DRAXIN: variants seen among roughly 807,000 people sequenced by gnomAD.
DRAXIN encodes dorsal inhibitory axon guidance protein, also known as dorsal repulsive axon guidance protein.
Under a neutral mutation model 33.9 loss-of-function variants are expected in DRAXIN, and 27 were observed. That is an observed-to-expected ratio of 0.80 (90% CI 0.59 to 1.10). DRAXIN has a LOEUF of 1.10. Among genes scored for constraint, DRAXIN ranks in the 50% least tolerant of loss-of-function variants. The probability of loss-of-function intolerance (pLI) is 0.00; values close to 1 mark genes in which losing one functional copy is unlikely to be tolerated. For missense variants in DRAXIN, 371 were observed against 460.8 expected, an observed-to-expected ratio of 0.81 and a Z score of 1.78; for synonymous variants, 178 against 194.0, an observed-to-expected ratio of 0.92 and a Z score of 0.69.
chr1:11,695,610 A>T (rs908521533), intron 1 of DRAXIN, among the ~76,000 whole-genome samples: 15 of 104,698 alleles, frequency 1.4e-4, no homozygotes, highest in Admixed American at 4.4e-4. Flanking sequence ...TCAAAAAAAA[A>T]AATATATATA....
chr1:11,692,763 C>G lies in DRAXIN; in HGVS notation c.-11+910C>G, dbSNP rs982057314. On this transcript the variant is annotated intron_variant, in intron 1 of 6. Coordinates refer to ENST00000294485, the MANE Select transcript of DRAXIN (RefSeq NM_198545.4). This position sits in a 1 kb window ranked among gnomAD's most constrained non-coding sequence, Gnocchi z 5.8. ...GACACACTGGTGTCTGGAACCGGTT[C>G]AGTACTATGCATCTGGAGTCGGGTA... Among the ~76,000 whole-genome samples, 3 of 152,162 alleles carry G rather than the reference C, an allele frequency of 2.0e-5. No homozygotes were observed. Among genetic ancestry groups the G allele is most frequent in the Non-Finnish European group, 2.9e-5 (2 of 68,020 alleles).
upstream of DRAXIN, among the ~76,000 whole-genome samples, chr1:11,687,155 TC>T (rs1294171475): frequency 6.6e-6 from 1 of 152,152 alleles, no homozygotes; most frequent in Non-Finnish European, 1.5e-5. This position sits in a 1 kb window ranked among gnomAD's most constrained non-coding sequence, Gnocchi z 4.1. Context: ...AGCCTCAACC[TC>T]CTGGGCTCAA....
Position 11,706,436 on chromosome 1 carries a change from CG to C in DRAXIN, c.182del (p.Gly61AlafsTer86). On this transcript the variant is annotated frameshift_variant, in exon 2 of 7. Coordinates refer to ENST00000294485, the MANE Select transcript of DRAXIN (RefSeq NM_198545.4). LOFTEE classifies it high-confidence loss of function. The surrounding 1 kb of genome is among the most constrained non-coding windows in gnomAD (Gnocchi z 5.5). ...GCCTCAGGCCAGCCACCACCGCCGG[CG>C]GGGCCCGGGCAAGAAGGAGTGGGGC... is the stretch of plus-strand genomic sequence containing the variant. ...WTPQASHHRR[R>X]GPGKKEWGPG... 1 of 1,611,556 alleles carries C rather than the reference CG, an allele frequency of 6.2e-7. No individual in the cohort carries two copies. The highest frequency in any genetic ancestry group is 8.5e-7 in the Non-Finnish European group (1 of 1,179,368).
intron 2 of DRAXIN, 47 bp from the exon 3 acceptor site, chr1:11,709,228 A>G: frequency 2.0e-6 from 3 of 1,538,324 alleles, no homozygotes; most frequent in South Asian, 2.5e-5. Flanking sequence ...GACTGCCACG[A>G]GGTGGCAAGC....
intron 3 of DRAXIN, among the ~76,000 whole-genome samples, chr1:11,710,370 C>T (rs796874129): frequency 1.3e-5 from 2 of 151,794 alleles, no homozygotes; most frequent in South Asian, 2.1e-4. Context: ...GGGCATGTGC[C>T]TGTAGTACCA....
At chr1:11,716,801 A>G (rs544249863) in intron 6 of DRAXIN, among the ~76,000 whole-genome samples, 1 of 152,300 alleles carries the variant, frequency 6.6e-6, no homozygotes, top group East Asian at 1.9e-4. Flanking sequence ...CAATAAAGCT[A>G]TGTAGTTCTG....
chr1:11,707,662 C>T (rs1173165742), intron 2 of DRAXIN, among the ~76,000 whole-genome samples: 3 of 152,234 alleles, frequency 2.0e-5, no homozygotes, highest in South Asian at 2.1e-4. Context: ...GGAGAGGCAT[C>T]GCTTGCCTAC....
chr1:11,706,242 C>G lies in DRAXIN; in HGVS notation c.-10-7C>G. 6.4e-7 allele frequency: 1 copy of G among 1,565,226 alleles called. No individual in the cohort carries two copies. The highest frequency in any genetic ancestry group is 8.7e-7 in the Non-Finnish European group (1 of 1,155,946). ...GCTGCGCATTCATGGTGTTGCTCTTCTTGCAGGGAGGAGCCAATGGCTGGG... is the reference window on the plus strand; with the variant it reads ...GCTGCGCATTCATGGTGTTGCTCTTGTTGCAGGGAGGAGCCAATGGCTGGG... On this transcript the variant is annotated splice_polypyrimidine_tract_variant and splice_region_variant and intron_variant, in intron 1 of 6. Transcript: ENST00000294485. The surrounding 1 kb of genome is among the most constrained non-coding windows in gnomAD (Gnocchi z 5.5).
In DRAXIN at chr1:11,692,287, C is replaced by T. The variant is rs1641086634; in HGVS notation, c.-11+434C>T. Among the ~76,000 whole-genome samples the T allele has an allele frequency of 6.6e-6, 1 of 152,196 alleles. No individual in the cohort carries two copies. Among genetic ancestry groups the T allele is most frequent in the Admixed American group, 6.5e-5 (1 of 15,288 alleles). On this transcript the variant is annotated intron_variant, in intron 1 of 6. Transcript: ENST00000294485. The surrounding 1 kb of genome is among the most constrained non-coding windows in gnomAD (Gnocchi z 5.8). ...CTCTCAGGCAGGGGGCCCCAGTCCGCCACCGTTGGAAGAAGTCTTCGAAGA... is the reference window on the plus strand; with the variant it reads ...CTCTCAGGCAGGGGGCCCCAGTCCGTCACCGTTGGAAGAAGTCTTCGAAGA...
chr1:11,701,386 T>C (rs1641271838), intron 1 of DRAXIN, among the ~76,000 whole-genome samples: 1 of 152,188 alleles, frequency 6.6e-6, no homozygotes, highest in African/African-American at 2.4e-5. Flanking sequence ...TTTCGTCATT[T>C]TAAAACCATG....
In DRAXIN at chr1:11,706,316, C is replaced by G. The variant is rs1481988040; in HGVS notation, c.58C>G (p.Leu20Val). 6.2e-7 allele frequency: 1 copy of G among 1,613,624 alleles called. No individual in the cohort carries two copies. The highest frequency in any genetic ancestry group is 2.2e-5 in the East Asian group (1 of 44,882). ...GCTGTTCCTCGTCCTCCTGCTGCCC[C>G]TGGAGCTGAGCCTGGCAGGCGCCCT... ...PMLFLVLLLP[L>V]ELSLAGALAP... The change falls in exon 2 of 7, where the codon CTG (leucine) becomes GTG (valine). Residue 20 changes from leucine (L) to valine (V), a missense_variant. Leu to Val is a conservative substitution (Grantham distance 32). Transcript: ENST00000294485. The surrounding 1 kb of genome is among the most constrained non-coding windows in gnomAD (Gnocchi z 5.5).
upstream of DRAXIN, among the ~76,000 whole-genome samples, chr1:11,689,401 C>T (rs112352492): frequency 0.014 from 2,121 of 151,892 alleles, 45 homozygotes; most frequent in African/African-American, 0.048. Flanking sequence ...AGTTCAAGAC[C>T]GGCCTGGCCA....
upstream of DRAXIN, among the ~76,000 whole-genome samples, chr1:11,690,645 C>T (rs1251206654): frequency 6.6e-6 from 1 of 152,176 alleles, no homozygotes; most frequent in African/African-American, 2.4e-5. This position sits in a 1 kb window ranked among gnomAD's most constrained non-coding sequence, Gnocchi z 4.2. Flanking sequence ...AGCCACCTGG[C>T]GAGCTCAGGG....
In DRAXIN at chr1:11,709,379, C is replaced by T. The variant is rs370239246; in HGVS notation, c.556C>T (p.Pro186Ser). ...AMEESSTSLA[P>S]TMFFLTTFEA... ...GGAGGAATCCTCCACCAGCCTGGCG[C>T]CCACCATGTTCTTTCTCACCACCTT... Residue 186 changes from proline to serine, a missense_variant, in exon 3 of 7, where the codon CCC (proline) becomes TCC (serine). By Grantham distance (74) the Pro-to-Ser change is moderately conservative. Coordinates refer to ENST00000294485, the MANE Select transcript of DRAXIN (RefSeq NM_198545.4). The T allele has an allele frequency of 3.7e-5, 60 of 1,613,714 alleles. No homozygotes were observed. The highest frequency in any genetic ancestry group is 1.6e-4 in the Middle Eastern group (1 of 6,084).
At chr1:11,708,151 G>A (rs79398623) in intron 2 of DRAXIN, among the ~76,000 whole-genome samples, 7,343 of 152,350 alleles carry the variant, frequency 0.048, 253 homozygotes, top group South Asian at 0.091. Flanking sequence ...GACCTTTGAG[G>A]ACAGCTAGAG....
Position 11,723,911 on chromosome 1 carries a change from A to G in DRAXIN, c.*4215A>G, listed in dbSNP as rs1056232876. The G allele has an allele frequency of 1.2e-4, 18 of 152,170 alleles. No individual in the cohort carries two copies. The highest frequency in any genetic ancestry group is 4.3e-4 in the African/African-American group (18 of 41,450). 9.4% of individuals were successfully genotyped at this position (152,170 alleles called of 1,614,324 possible). On this transcript the variant is annotated 3_prime_UTR_variant, in exon 7 of 7. Coordinates refer to ENST00000294485, the MANE Select transcript of DRAXIN (RefSeq NM_198545.4). Reference sequence around the variant, plus strand: ...CCTGGCCTGTGAACGCAGAATTCTTATAAGGTGTTTAGAACAGTGCCTAGC... The same window carrying G: ...CCTGGCCTGTGAACGCAGAATTCTTGTAAGGTGTTTAGAACAGTGCCTAGC...
In DRAXIN at chr1:11,712,439, A is replaced by G. The variant is rs1380799213; in HGVS notation, c.847+10A>G. The stretch of plus-strand genomic sequence containing the variant: ...CAAGACTGCCTGCCAGGTACCAGCC[A>G]GCACCCACATTCAAGGCACCAGGCT... On this transcript the variant is annotated intron_variant, in intron 5 of 6. Coordinates refer to ENST00000294485, the MANE Select transcript of DRAXIN (RefSeq NM_198545.4). The G allele has an allele frequency of 1.2e-6, 2 of 1,614,026 alleles. No individual in the cohort carries two copies. Among genetic ancestry groups the G allele is most frequent in the East Asian group, 4.5e-5 (2 of 44,886 alleles).
At chr1:11,689,253 C>T (rs1042766738), upstream of DRAXIN, among the ~76,000 whole-genome samples, 4 of 139,450 alleles carry the variant, frequency 2.9e-5, no homozygotes, top group Non-Finnish European at 4.5e-5. Flanking sequence ...CGAGACTGTG[C>T]CACTATACAA....
intron 6 of DRAXIN, among the ~76,000 whole-genome samples, chr1:11,716,058 A>G (rs886704831): frequency 1.5e-4 from 23 of 152,202 alleles, no homozygotes; most frequent in African/African-American, 5.3e-4. Flanking sequence ...TGGTAGAGGC[A>G]GAGTTTTGCC....
Sources: gnomAD v4.1 joint callset for allele counts (sites outside exome capture counted in the v4.1 genomes callset) on GRCh38, gnomAD v4.1.1 for gene constraint, Gnocchi (gnomAD v3.1) non-coding constraint, MANE v1.5 for transcripts, NCBI Gene and HGNC (gene_info 2026-07-23, HGNC 2026-07-21) for gene names.